ARHGEF38: variants seen among roughly 807,000 people sequenced by gnomAD.
The protein encoded by ARHGEF38 is Rho guanine nucleotide exchange factor 38.
ARHGEF38 carries 79 observed loss-of-function variants against 79.9 expected under a neutral mutation model. The ratio of observed to expected loss-of-function variants is 0.99; its 90% CI spans 0.82 to 1.19. ARHGEF38 has a LOEUF of 1.19. Among genes scored for constraint, ARHGEF38 ranks in the 50% most tolerant of loss-of-function variants. ARHGEF38 has a pLI of 0.00. For missense variants in ARHGEF38, 962 were observed against 907.2 expected (o/e 1.06, Z -0.78); for synonymous variants, 366 against 328.3 (o/e 1.11, Z -1.24).
chr4:105,615,788 G>A (rs886194944), intron 3 of ARHGEF38, among the ~76,000 whole-genome samples: 7 of 152,116 alleles, frequency 4.6e-5, no homozygotes, highest in African/African-American at 9.7e-5. Flanking sequence ...TCCATCTCTC[G>A]TATGCCAACC....
intron 1 of ARHGEF38, among the ~76,000 whole-genome samples, chr4:105,570,625 C>T (rs1726176159): frequency 6.6e-6 from 1 of 152,178 alleles, no homozygotes; most frequent in South Asian, 2.1e-4. Context: ...TGAGAATTCA[C>T]TGTCCAAAAA....
intron 2 of ARHGEF38, among the ~76,000 whole-genome samples, chr4:105,610,548 T>A (rs1051250121): frequency 3.7e-4 from 56 of 152,220 alleles, no homozygotes; most frequent in African/African-American, 1.3e-3. Flanking sequence ...TCCTTGAATT[T>A]ATATCAGTAA....
chr4:105,657,108 T>C lies in ARHGEF38; in HGVS notation c.1233+1386T>C, dbSNP rs574848103. ...CAGTATATGTTTAATGGAAAAGGTG[T>C]GGCTAGTTCTTTATGTATTTTCTGC... On this transcript the variant is annotated intron_variant, in intron 9 of 13. Coordinates refer to ENST00000420470, the MANE Select transcript of ARHGEF38 (RefSeq NM_001242729.2). 9.8e-5 allele frequency among the ~76,000 whole-genome samples: 15 copies of C among 152,286 alleles called. No homozygotes were observed. In the South Asian group the frequency reaches 3.1e-3, roughly 32 times the overall value.
chr4:105,639,500 A>G (rs1729534877), intron 5 of ARHGEF38, among the ~76,000 whole-genome samples: 1 of 151,966 alleles, frequency 6.6e-6, no homozygotes, highest in Non-Finnish European at 1.5e-5. Flanking sequence ...TCAAATTCTT[A>G]TATGGTTTAA....
chr4:105,595,481 G>C (rs1364830573), intron 2 of ARHGEF38, among the ~76,000 whole-genome samples: 10 of 151,912 alleles, frequency 6.6e-5, no homozygotes, highest in Admixed American at 3.9e-4. Flanking sequence ...AAAATATATA[G>C]AGGAAAATAA....
intron 9 of ARHGEF38, among the ~76,000 whole-genome samples, chr4:105,656,137 C>G (rs1730313696): frequency 6.6e-6 from 1 of 152,050 alleles, no homozygotes; most frequent in Admixed American, 6.6e-5. Context: ...TCACTGAAAC[C>G]TCTGCCTCTT....
rs1397610955 is a variant in ARHGEF38 at position 105,654,165 on chromosome 4, T to C, written c.1109T>C (p.Ile370Thr). The C allele has an allele frequency of 4.1e-6, 6 of 1,473,574 alleles. No individual in the cohort carries two copies. The highest frequency in any genetic ancestry group is 2.8e-5 in the African/African-American group (2 of 72,184). The allele number at this position is 1,473,574 out of a possible 1,614,324, so 91.3% of individuals were successfully genotyped here. A position where few individuals can be genotyped will look rare whatever the true frequency, so the allele number is the denominator to read the frequency against. ...AACATTTCACTCTGTCTTCAACACA[T>C]ACAGGTAGGTGAGACACAACTGTTT... ...VKNISLCLQH[I>T]QDAMPLALQS... The change falls in exon 8 of 14, where the codon ATA (isoleucine) becomes ACA (threonine). Residue 370 changes from isoleucine to threonine, a missense_variant. Coordinates refer to ENST00000420470, the MANE Select transcript of ARHGEF38 (RefSeq NM_001242729.2).
intron 7 of ARHGEF38, among the ~76,000 whole-genome samples, chr4:105,650,637 T>C: frequency 6.6e-6 from 1 of 152,248 alleles, no homozygotes; most frequent in East Asian, 1.9e-4. Context: ...GTGTGGCATG[T>C]GGTGACTCCT....
intron 10 of ARHGEF38, among the ~76,000 whole-genome samples, chr4:105,660,207 C>A (rs532455713): frequency 1.3e-5 from 2 of 152,270 alleles, no homozygotes; most frequent in Non-Finnish European, 2.9e-5. Flanking sequence ...ATCAGTCTCA[C>A]ACTCATACCT....
At chr4:105,598,395 AT>A (rs1180216647) in intron 2 of ARHGEF38, among the ~76,000 whole-genome samples, 12 of 152,330 alleles carry the variant, frequency 7.9e-5, no homozygotes, top group African/African-American at 2.9e-4. Flanking sequence ...TGTTCACTAC[AT>A]TAAATAAAAA....
At chr4:105,663,643 AT>A (rs1235882336) in intron 10 of ARHGEF38, among the ~76,000 whole-genome samples, 1 of 152,162 alleles carries the variant, frequency 6.6e-6, no homozygotes, top group Non-Finnish European at 1.5e-5. Context: ...GATTTCTTTC[AT>A]TTTTAACTGT....
Position 105,659,353 on chromosome 4 carries a change from C to T in ARHGEF38, c.1533C>T (p.Ser511=). 2.0e-6 allele frequency: 3 copies of T among 1,534,340 alleles called. No individual in the cohort carries two copies. The highest frequency in any genetic ancestry group is 2.6e-6 in the Non-Finnish European group (3 of 1,146,374). ...DLMLVAQQAY[S]TLVPMPLLVS... is the part of the protein sequence containing the mutation. ...TGCTCGTGGCACAGCAGGCTTACTC[C>T]ACACTTGTGCCGGTAAGCACAGCAC... is the stretch of plus-strand genomic sequence containing the variant. The change falls in exon 10 of 14, where the codon TCC becomes TCT. Residue 511 remains serine, a synonymous_variant. Transcript: ENST00000420470.
At chr4:105,661,474 TTTATTATTATTA>T (rs140964351) in intron 10 of ARHGEF38, among the ~76,000 whole-genome samples, 5,643 of 141,764 alleles carry the variant, frequency 0.04, 152 homozygotes, top group East Asian at 0.092. Context: ...TCCACACCTC[TTTATTATTATTA>T]TTATTATTAT....
At chr4:105,581,769 A>G (rs189589351) in intron 1 of ARHGEF38, among the ~76,000 whole-genome samples, 67 of 152,218 alleles carry the variant, frequency 4.4e-4, no homozygotes, top group South Asian at 3.7e-3. Context: ...TAATAATTTC[A>G]GTAACTTAAG....
chr4:105,577,491 A>G (rs77661073), intron 1 of ARHGEF38, among the ~76,000 whole-genome samples: 4,267 of 151,902 alleles, frequency 0.028, 210 homozygotes, highest in African/African-American at 0.098. Context: ...AGTAGGATTG[A>G]TGCCAATTTT....
chr4:105,646,405 T>C (rs925316989), intron 6 of ARHGEF38, among the ~76,000 whole-genome samples: 9 of 152,206 alleles, frequency 5.9e-5, no homozygotes, highest in Non-Finnish European at 1.2e-4. Context: ...AAAATTCTAA[T>C]CTTCATTTAT....
At chr4:105,665,428 C>A (rs1225003884) in intron 10 of ARHGEF38, among the ~76,000 whole-genome samples, 1 of 151,622 alleles carries the variant, frequency 6.6e-6, no homozygotes, top group Non-Finnish European at 1.5e-5. Context: ...ACCAGGGAGT[C>A]GGAGGTTGCA....
chr4:105,589,140 C>T (rs1013908880), intron 1 of ARHGEF38, 108 bp from the exon 2 acceptor site: 33 of 806,630 alleles, frequency 4.1e-5, no homozygotes, highest in Non-Finnish European at 4.6e-5. Context: ...CATGAGGATA[C>T]CTTCAGCCTT....
At chr4:105,555,124 T>G (rs1275985294) in intron 1 of ARHGEF38, among the ~76,000 whole-genome samples, 1 of 152,174 alleles carries the variant, frequency 6.6e-6, no homozygotes, top group Non-Finnish European at 1.5e-5. Flanking sequence ...GACCTCAGAC[T>G]TCTTACGCAC....
Sources: gnomAD v4.1 joint callset for allele counts (sites outside exome capture counted in the v4.1 genomes callset) on GRCh38, gnomAD v4.1.1 for gene constraint, MANE v1.5 for transcripts, NCBI Gene and HGNC (gene_info 2026-07-23, HGNC 2026-07-21) for gene names.